Variants in TRPC4 observed in about 807,000 individuals in gnomAD.
TRPC4 encodes transient receptor potential cation channel subfamily C member 4.
Under a neutral mutation model 99.4 loss-of-function variants are expected in TRPC4, and 49 were observed. The ratio of observed to expected loss-of-function variants is 0.49; its 90% CI spans 0.39 to 0.63. TRPC4 has a LOEUF of 0.63. Ranked by LOEUF, TRPC4 falls within the 20% of genes least tolerant of loss-of-function variation. The pLI is 0.00. For missense variants in TRPC4, 898 were observed against 1,152.9 expected, an observed-to-expected ratio of 0.78 and a Z score of 3.20; for synonymous variants, 454 against 425.9, an observed-to-expected ratio of 1.07 and a Z score of -0.81.
At chr13:37,795,923 C>T (rs1015836445) in intron 1 of TRPC4, among the ~76,000 whole-genome samples, 5 of 152,206 alleles carry the variant, frequency 3.3e-5, no homozygotes, top group South Asian at 2.1e-4. Flanking sequence ...AACTCCCTCA[C>T]GGTCATACAG....
intron 1 of TRPC4, among the ~76,000 whole-genome samples, chr13:37,788,343 G>A (rs1957023655): frequency 6.6e-6 from 1 of 151,888 alleles, no homozygotes; most frequent in African/African-American, 2.4e-5. Context: ...TTCTGTCCTA[G>A]CTCAGATTTT....
At chr13:37,834,350 T>A (rs1958502586) in intron 1 of TRPC4, among the ~76,000 whole-genome samples, 1 of 152,268 alleles carries the variant, frequency 6.6e-6, no homozygotes, top group Non-Finnish European at 1.5e-5. Flanking sequence ...TGATTTTGAC[T>A]ATTTTATGTT....
At chr13:37,702,655 A>G (rs1954137799) in intron 3 of TRPC4, among the ~76,000 whole-genome samples, 1 of 152,156 alleles carries the variant, frequency 6.6e-6, no homozygotes, top group African/African-American at 2.4e-5. Flanking sequence ...ATTTTGTCAC[A>G]AGGATTGATA....
chr13:37,821,304 G>C (rs1301244679), intron 1 of TRPC4, among the ~76,000 whole-genome samples: 5 of 150,870 alleles, frequency 3.3e-5, no homozygotes, highest in African/African-American at 9.8e-5. Context: ...ACTGCTCAAA[G>C]AAATCAGAGA....
intron 2 of TRPC4, among the ~76,000 whole-genome samples, chr13:37,750,570 CG>C (rs1403438293): frequency 6.6e-6 from 1 of 152,000 alleles, no homozygotes; most frequent in Non-Finnish European, 1.5e-5. Flanking sequence ...TAATAAGTTT[CG>C]GAATATTGAA....
intron 1 of TRPC4, among the ~76,000 whole-genome samples, chr13:37,796,105 G>T (rs1215362343): frequency 6.6e-6 from 1 of 152,116 alleles, no homozygotes; most frequent in Admixed American, 6.6e-5. Flanking sequence ...TAGCAGAGAT[G>T]CTCCTGAGTG....
At chr13:37,807,633 T>C (rs778900399) in intron 1 of TRPC4, among the ~76,000 whole-genome samples, 1 of 152,048 alleles carries the variant, frequency 6.6e-6, no homozygotes, top group Non-Finnish European at 1.5e-5. Flanking sequence ...AAGGCTGTGC[T>C]CTGGACCCAC....
At chr13:37,700,228 G>A (rs1954061264) in intron 3 of TRPC4, among the ~76,000 whole-genome samples, 1 of 152,136 alleles carries the variant, frequency 6.6e-6, no homozygotes, top group African/African-American at 2.4e-5. Context: ...TAGAGGTGTG[G>A]AGGCAGAAAA....
rs763182248 is a variant in TRPC4 at position 37,650,610 on chromosome 13, T to TCTACACACACACACACAC, written c.2079+654_2079+655insGTGTGTGTGTGTGTGTAG. On this transcript the variant is annotated intron_variant, in intron 8 of 10. Coordinates refer to ENST00000379705, the MANE Select transcript of TRPC4 (RefSeq NM_016179.4). ...CTCTCTGTCTCTCTCTCTCTCTCTC[T>TCTACACACACACACACAC]ATACACACACACACACACACACACA... Among the ~76,000 whole-genome samples, 9 of 65,130 alleles carry TCTACACACACACACACAC rather than the reference T, an allele frequency of 1.4e-4. No individual in the cohort carries two copies. In the East Asian group the frequency reaches 3.0e-3, roughly 21 times the overall value. 42.7% of individuals were successfully genotyped at this position (65,130 alleles called of 152,430 possible).
At chr13:37,745,176 G>C (rs914991447) in intron 3 of TRPC4, among the ~76,000 whole-genome samples, 6 of 151,626 alleles carry the variant, frequency 4.0e-5, no homozygotes, top group Non-Finnish European at 4.4e-5. Flanking sequence ...AACCTGTGAG[G>C]AAAATGTTGT....
At chr13:37,863,271 T>A (rs1392361382) in intron 1 of TRPC4, among the ~76,000 whole-genome samples, 2 of 151,646 alleles carry the variant, frequency 1.3e-5, no homozygotes, top group African/African-American at 4.8e-5. Flanking sequence ...AAGTCATTCA[T>A]TGCAAATCTA....
chr13:37,664,579 GA>G (rs59651924), intron 5 of TRPC4, among the ~76,000 whole-genome samples: 2 of 149,820 alleles, frequency 1.3e-5, no homozygotes, highest in African/African-American at 4.9e-5. Flanking sequence ...CATCTCAAAA[GA>G]AAAAAAAAGG....
rs57428116 is a variant in TRPC4, at chr13:37,842,343, CAAAAAAAAAAAA to C, written c.-28+27240_-28+27251del. On this transcript the variant is annotated intron_variant, in intron 1 of 10. Coordinates refer to ENST00000379705, the MANE Select transcript of TRPC4 (RefSeq NM_016179.4). ...CTAGCAATTAATGATAGCGTCTAGC[CAAAAAAAAAAAA>C]AAAAAAAAAAAAAAAGGAAAAGGAA... 4.5e-4 allele frequency among the ~76,000 whole-genome samples: 7 copies of C among 15,648 alleles called. No individual in the cohort carries two copies. In the East Asian group the frequency reaches 8.8e-3, roughly 20 times the overall value. 10.3% of individuals were successfully genotyped at this position (15,648 alleles called of 152,430 possible).
At chr13:37,708,036 T>G (rs1954347906) in intron 3 of TRPC4, among the ~76,000 whole-genome samples, 1 of 152,030 alleles carries the variant, frequency 6.6e-6, no homozygotes, top group Non-Finnish European at 1.5e-5. Flanking sequence ...TCTTCCAGCT[T>G]CAACGCCAGC....
Position 37,674,278 on chromosome 13 carries a change from T to C in TRPC4, c.1324A>G (p.Asn442Asp). 6.2e-7 allele frequency: 1 copy of C among 1,604,772 alleles called. No homozygotes were observed. The highest frequency in any genetic ancestry group is 1.3e-5 in the African/African-American group (1 of 74,864). Reference sequence around the variant, plus strand: ...GAGATTGTTGCTAAATATAAGGAGTTCATTACAAAGTCCATTAGATTCCAC... The same window carrying C: ...GAGATTGTTGCTAAATATAAGGAGTCCATTACAAAGTCCATTAGATTCCAC... ...DWWNLMDFVM[N>D]SLYLATISLK... Residue 442 changes from asparagine to aspartate, a missense_variant, in exon 5 of 11, where the codon AAC becomes GAC. Asn to Asp is a conservative substitution (Grantham distance 23). Coordinates refer to ENST00000379705, the MANE Select transcript of TRPC4 (RefSeq NM_016179.4).
chr13:37,730,829 G>A (rs372435514), intron 3 of TRPC4, among the ~76,000 whole-genome samples: 15 of 151,948 alleles, frequency 9.9e-5, no homozygotes, highest in African/African-American at 1.7e-4. Flanking sequence ...TTGCCCAGTC[G>A]AAAATTGATC....
intron 1 of TRPC4, among the ~76,000 whole-genome samples, chr13:37,866,291 A>G (rs541351826): frequency 6.6e-6 from 1 of 151,908 alleles, no homozygotes; most frequent in South Asian, 2.1e-4. Flanking sequence ...TGACACTGCT[A>G]TATTTTTAAA....
At chr13:37,697,620 T>C (rs1953951673) in intron 3 of TRPC4, among the ~76,000 whole-genome samples, 2 of 152,122 alleles carry the variant, frequency 1.3e-5, no homozygotes, top group Non-Finnish European at 2.9e-5. Context: ...TGTATGAAAA[T>C]GTTTGTTGAG....
intron 1 of TRPC4, among the ~76,000 whole-genome samples, chr13:37,809,010 A>C (rs1471005864): frequency 6.6e-6 from 1 of 152,110 alleles, no homozygotes; most frequent in Non-Finnish European, 1.5e-5. Context: ...TCTGTGTTAC[A>C]ATTTATATAA....
Sources: allele counts gnomAD v4.1 joint callset (sites outside exome capture counted in the v4.1 genomes callset), GRCh38; gene constraint gnomAD v4.1.1; transcripts MANE v1.5; gene names NCBI Gene and HGNC (gene_info 2026-07-23, HGNC 2026-07-21).